The following TLCD4 variants were observed in gnomAD, a reference collection of about 807,000 sequenced individuals.
The protein encoded by TLCD4 is TLC domain containing 4, also known as TLC domain-containing protein 4.
TLCD4 carries 7 observed loss-of-function variants against 24.2 expected under a neutral mutation model. The ratio of observed to expected loss-of-function variants is 0.29; its 90% confidence interval spans 0.16 to 0.54. The LOEUF is 0.54. Among genes scored for constraint, TLCD4 ranks in the 20% least tolerant of loss-of-function variants. The pLI is 0.95. For missense variants in TLCD4, 259 were observed against 313.9 expected (o/e 0.82, Z 1.32); for synonymous variants, 103 against 106.4 (o/e 0.97, Z 0.20).
At chr1:95,140,459 C>A (rs757103104) in intron 1 of TLCD4, among the ~76,000 whole-genome samples, 7 of 152,148 alleles carry the variant, frequency 4.6e-5, no homozygotes, top group Non-Finnish European at 7.3e-5. Context: ...CAGACCTTTT[C>A]ATGTTTTTCC....
intron 5 of TLCD4, among the ~76,000 whole-genome samples, chr1:95,171,071 G>A (rs144496243): frequency 1.7e-4 from 26 of 151,560 alleles, no homozygotes; most frequent in African/African-American, 5.6e-4. Context: ...TTTTTTAGCC[G>A]CAAATGTGAT....
chr1:95,154,692 C>T (rs1453881876), intron 5 of TLCD4, among the ~76,000 whole-genome samples: 1 of 151,942 alleles, frequency 6.6e-6, no homozygotes, highest in Non-Finnish European at 1.5e-5. Flanking sequence ...TAGCTCAAAC[C>T]TTCATCTCTG....
At chr1:95,124,726 G>T (rs1676662519) in intron 1 of TLCD4, among the ~76,000 whole-genome samples, 1 of 152,112 alleles carries the variant, frequency 6.6e-6, no homozygotes, top group Non-Finnish European at 1.5e-5. Flanking sequence ...TACAATTTCA[G>T]TGGAATTGCT....
the TLCD4 span, among the ~76,000 whole-genome samples, chr1:95,093,367 T>C: frequency 6.6e-6 from 1 of 152,366 alleles, no homozygotes. Flanking sequence ...TTATTGTGGT[T>C]AATTCTGTTT....
intron 1 of TLCD4, among the ~76,000 whole-genome samples, chr1:95,143,643 ATGT>A (rs933802673): frequency 1.3e-5 from 2 of 152,168 alleles, no homozygotes; most frequent in Non-Finnish European, 2.9e-5. Context: ...GAATATCATG[ATGT>A]TAAAATTATA....
At chr1:95,136,131 T>A (rs571435652) in intron 1 of TLCD4, among the ~76,000 whole-genome samples, 1 of 152,260 alleles carries the variant, frequency 6.6e-6, no homozygotes, top group Middle Eastern at 3.4e-3. Context: ...GATTACCATC[T>A]TTACACCACT....
intron 1 of TLCD4, among the ~76,000 whole-genome samples, chr1:95,135,438 C>T (rs947015844): frequency 3.3e-5 from 5 of 149,984 alleles, no homozygotes; most frequent in African/African-American, 9.9e-5. Flanking sequence ...CCTCTGTCGC[C>T]CAGGCTGGAG....
At chr1:95,110,083 C>T in the TLCD4 span, among the ~76,000 whole-genome samples, 2 of 149,458 alleles carry the variant, frequency 1.3e-5, no homozygotes, top group East Asian at 3.9e-4. Flanking sequence ...TGAGGATATA[C>T]ATATGTATAC....
At chr1:95,146,351 A>C (rs536656727) in intron 2 of TLCD4, among the ~76,000 whole-genome samples, 1 of 152,152 alleles carries the variant, frequency 6.6e-6, no homozygotes, top group Non-Finnish European at 1.5e-5. Context: ...TATCACATTG[A>C]AAGTCTTATT....
At chr1:95,097,413 T>G in the TLCD4 span, among the ~76,000 whole-genome samples, 2 of 152,216 alleles carry the variant, frequency 1.3e-5, no homozygotes, top group Non-Finnish European at 2.9e-5. Flanking sequence ...CTGAGAAGAA[T>G]TCTACTGCCA....
chr1:95,163,062 G>C (rs1677880207), intron 5 of TLCD4, among the ~76,000 whole-genome samples: 1 of 152,164 alleles, frequency 6.6e-6, no homozygotes, highest in Non-Finnish European at 1.5e-5. Context: ...TTGCTAGGTT[G>C]GGGAAGTTCT....
rs1679128475 is a variant in TLCD4 at position 95,194,388 on chromosome 1, G to A, written c.*2520G>A. On this transcript the variant is annotated 3_prime_UTR_variant, in exon 7 of 7. Transcript: ENST00000370203. ...AGGTACACTTTGCTGTTCTATGATT[G>A]TATTCACCTACCTAAAATACAAATG... 1 of 151,990 alleles carries A rather than the reference G, an allele frequency of 6.6e-6. No homozygotes were observed. Among genetic ancestry groups the A allele is most frequent in the East Asian group, 1.9e-4 (1 of 5,194 alleles). The allele number at this position is 151,990 out of a possible 1,614,324, so 9.4% of individuals were successfully genotyped here.
At chr1:95,106,413 A>G in the TLCD4 span, among the ~76,000 whole-genome samples, 2 of 152,162 alleles carry the variant, frequency 1.3e-5, no homozygotes, top group Non-Finnish European at 2.9e-5. Context: ...TTTAAAATCA[A>G]AAAAGGGCCA....
intron 4 of TLCD4, 42 bp from the exon 5 acceptor site, chr1:95,151,283 T>C (rs757685347): frequency 1.9e-6 from 3 of 1,601,268 alleles, no homozygotes; most frequent in African/African-American, 1.3e-5. Flanking sequence ...ACAGTGCAAC[T>C]TTCTTCTTAT....
chr1:95,140,425 G>A (rs1677165427), intron 1 of TLCD4, among the ~76,000 whole-genome samples: 1 of 152,160 alleles, frequency 6.6e-6, no homozygotes, highest in Admixed American at 6.5e-5. Flanking sequence ...CTGAAACATC[G>A]TTATGCAGTG....
chr1:95,141,908 A>T (rs899520002), intron 1 of TLCD4, among the ~76,000 whole-genome samples: 2 of 151,922 alleles, frequency 1.3e-5, no homozygotes, highest in Non-Finnish European at 2.9e-5. Flanking sequence ...GATTCTTATT[A>T]CGATATCCTG....
chr1:95,109,951 A>ATATG, the TLCD4 span, among the ~76,000 whole-genome samples: 1 of 141,416 alleles, frequency 7.1e-6, no homozygotes, highest in Non-Finnish European at 1.5e-5. Flanking sequence ...ATATATATAT[A>ATATG]TATATATACA....
intron 6 of TLCD4, among the ~76,000 whole-genome samples, chr1:95,187,090 C>T (rs747006613): frequency 2.0e-5 from 3 of 152,094 alleles, no homozygotes; most frequent in Non-Finnish European, 4.4e-5. Context: ...TGGAATAGAG[C>T]GAATGTTCAC....
intron 1 of TLCD4, among the ~76,000 whole-genome samples, chr1:95,133,524 CAGAT>C (rs1676958722): frequency 6.6e-6 from 1 of 152,118 alleles, no homozygotes; most frequent in African/African-American, 2.4e-5. Flanking sequence ...GGTGGGAAGA[CAGAT>C]AGTTACAGAT....
Sources: gnomAD v4.1 joint callset for allele counts (sites outside exome capture counted in the v4.1 genomes callset) on GRCh38, gnomAD v4.1.1 for gene constraint, MANE v1.5 for transcripts, NCBI Gene and HGNC (gene_info 2026-07-23, HGNC 2026-07-21) for gene names.